EDIL3: variants seen among roughly 807,000 people sequenced by gnomAD.
EDIL3 encodes the protein EGF like and discoidin domains 3.
Under a neutral mutation model 67.4 loss-of-function variants are expected in EDIL3, and 37 were observed. The ratio of observed to expected loss-of-function variants is 0.55; its 90% CI spans 0.42 to 0.72. The LOEUF is 0.72. Ranked by LOEUF, EDIL3 falls within the 30% of genes least tolerant of loss-of-function variation. The pLI is 0.00. For missense variants in EDIL3, 527 were observed against 586.3 expected, an observed-to-expected ratio of 0.90 and a Z score of 1.04; for synonymous variants, 195 against 196.3, an observed-to-expected ratio of 0.99 and a Z score of 0.05.
chr5:84,139,100 G>A (rs186951624), intron 4 of EDIL3, among the ~76,000 whole-genome samples: 168 of 152,200 alleles, frequency 1.1e-3, no homozygotes, highest in African/African-American at 4.0e-3. Flanking sequence ...TAGCTGGTGT[G>A]GTGGCGTGTG....
intron 9 of EDIL3, among the ~76,000 whole-genome samples, chr5:84,028,320 G>A (rs1745854713): frequency 6.6e-6 from 1 of 152,000 alleles, no homozygotes; most frequent in Non-Finnish European, 1.5e-5. Context: ...TAATCATTCT[G>A]GATTGCAAAT....
intron 1 of EDIL3, among the ~76,000 whole-genome samples, chr5:84,275,026 C>T (rs1480801244): frequency 6.6e-6 from 1 of 152,108 alleles, no homozygotes; most frequent in Non-Finnish European, 1.5e-5. Context: ...GAATTCTTTG[C>T]TCTTTAAATG....
intron 10 of EDIL3, among the ~76,000 whole-genome samples, chr5:83,958,558 G>A (rs1744554146): frequency 6.6e-6 from 1 of 151,416 alleles, no homozygotes; most frequent in Non-Finnish European, 1.5e-5. Context: ...ATGAAATAGA[G>A]TATTACCAGC....
intron 1 of EDIL3, among the ~76,000 whole-genome samples, chr5:84,331,888 T>A (rs557782778): frequency 5.3e-5 from 8 of 152,314 alleles, no homozygotes; most frequent in African/African-American, 1.9e-4. Flanking sequence ...AAATGCATTA[T>A]ATGGTCCCAA....
At chr5:83,979,972 G>A (rs1744941994) in intron 9 of EDIL3, among the ~76,000 whole-genome samples, 1 of 152,042 alleles carries the variant, frequency 6.6e-6, no homozygotes, top group Non-Finnish European at 1.5e-5. Context: ...GGCAGACTCT[G>A]ATCACTGAGA....
At chr5:83,953,757 C>T (rs1462477789) in intron 10 of EDIL3, among the ~76,000 whole-genome samples, 2 of 151,710 alleles carry the variant, frequency 1.3e-5, no homozygotes, top group East Asian at 3.9e-4. Context: ...ATTTTTTAAG[C>T]AGTTTTGTGT....
At chr5:84,167,282 T>C (rs942649289) in intron 4 of EDIL3, among the ~76,000 whole-genome samples, 1 of 152,030 alleles carries the variant, frequency 6.6e-6, no homozygotes, top group African/African-American at 2.4e-5. Flanking sequence ...TGAGTATAGA[T>C]AACTCTTCTA....
intron 9 of EDIL3, among the ~76,000 whole-genome samples, chr5:83,976,839 A>C (rs1461598834): frequency 6.6e-6 from 1 of 151,834 alleles, no homozygotes; most frequent in African/African-American, 2.4e-5. Flanking sequence ...TTTATAAAGA[A>C]TTTCATACAG....
At chr5:84,033,955 C>T (rs1014688895) in intron 9 of EDIL3, among the ~76,000 whole-genome samples, 3 of 152,012 alleles carry the variant, frequency 2.0e-5, no homozygotes, top group Non-Finnish European at 4.4e-5. Flanking sequence ...CACTAGCTGG[C>T]CAGTGGCTGT....
chr5:84,149,136 T>C (rs1166690624), intron 4 of EDIL3, among the ~76,000 whole-genome samples: 1 of 152,128 alleles, frequency 6.6e-6, no homozygotes, highest in Non-Finnish European at 1.5e-5. Flanking sequence ...GCTGGGAGTC[T>C]GGAGAGTCGA....
At chr5:84,250,830 T>G (rs867658229) in intron 2 of EDIL3, among the ~76,000 whole-genome samples, 2 of 152,206 alleles carry the variant, frequency 1.3e-5, no homozygotes, top group East Asian at 3.9e-4. Context: ...GATTCAGAAT[T>G]TCATAATATA....
At chr5:84,057,342 G>A (rs1011295885) in intron 9 of EDIL3, among the ~76,000 whole-genome samples, 1 of 152,034 alleles carries the variant, frequency 6.6e-6, no homozygotes, top group Non-Finnish European at 1.5e-5. Context: ...TATGCCATTT[G>A]CAATCCCTTT....
At chr5:84,307,291 C>T (rs73144515) in intron 1 of EDIL3, among the ~76,000 whole-genome samples, 426 of 138,510 alleles carry the variant, frequency 3.1e-3, no homozygotes, top group African/African-American at 0.01. Context: ...TAGGCAAAGA[C>T]AAATAAAAAA....
chr5:84,163,419 T>C (rs184920056), intron 4 of EDIL3, among the ~76,000 whole-genome samples: 25 of 152,168 alleles, frequency 1.6e-4, no homozygotes, highest in African/African-American at 5.3e-4. Context: ...GTTTAAAATA[T>C]CAATTAAAAA....
intron 1 of EDIL3, among the ~76,000 whole-genome samples, chr5:84,302,103 A>G (rs1746174681): frequency 6.6e-6 from 1 of 152,182 alleles, no homozygotes; most frequent in South Asian, 2.1e-4. Context: ...CTGTCTCAAA[A>G]ATCAGTCATT....
intron 6 of EDIL3, among the ~76,000 whole-genome samples, chr5:84,096,161 C>A (rs1747259603): frequency 6.6e-6 from 1 of 152,108 alleles, no homozygotes; most frequent in South Asian, 2.1e-4. Context: ...GGGTAAGAGC[C>A]CCCACACAGA....
At chr5:84,283,740 T>A (rs1269755293) in intron 1 of EDIL3, among the ~76,000 whole-genome samples, 1 of 152,202 alleles carries the variant, frequency 6.6e-6, no homozygotes, top group African/African-American at 2.4e-5. Context: ...TCCTAGCATA[T>A]ATTCCTAGTT....
At chr5:83,953,086 A>C (rs1215681815) in intron 10 of EDIL3, among the ~76,000 whole-genome samples, 2 of 151,844 alleles carry the variant, frequency 1.3e-5, no homozygotes, top group Non-Finnish European at 2.9e-5. Context: ...AGGCACAGAA[A>C]GTAGTCATTC....
At chr5:84,281,213 G>A (rs1745693484) in intron 1 of EDIL3, among the ~76,000 whole-genome samples, 1 of 151,930 alleles carries the variant, frequency 6.6e-6, no homozygotes. Context: ...CCTTTACTGT[G>A]ATCAACAGAA....
Sources: gnomAD v4.1 joint callset for allele counts (sites outside exome capture counted in the v4.1 genomes callset) on GRCh38, gnomAD v4.1.1 for gene constraint, MANE v1.5 for transcripts, NCBI Gene and HGNC (gene_info 2026-07-23, HGNC 2026-07-21) for gene names.